The following GABRB1 variants were observed in gnomAD, a reference collection of about 807,000 sequenced individuals.
GABRB1 encodes gamma-aminobutyric acid type A receptor subunit beta1, also known as gamma-aminobutyric acid receptor subunit beta-1.
GABRB1 carries 17 observed loss-of-function variants against 51.6 expected under a neutral mutation model. That is an observed-to-expected ratio of 0.33 (90% CI 0.23 to 0.49). GABRB1 has a LOEUF of 0.49. Among genes scored for constraint, GABRB1 ranks in the 20% least tolerant of loss-of-function variants. The pLI, the probability that GABRB1 is intolerant of heterozygous loss-of-function variation, is 0.99. For synonymous variants in GABRB1, 247 were observed against 218.9 expected (o/e 1.13, Z -1.14); for missense variants, 410 against 600.6 (o/e 0.68, Z 3.32).
At chr4:47,208,038 G>A (rs1720210046) in intron 4 of GABRB1, among the ~76,000 whole-genome samples, 1 of 151,952 alleles carries the variant, frequency 6.6e-6, no homozygotes, top group African/African-American at 2.4e-5. Flanking sequence ...ATACATCAGT[G>A]CTCATAGCAG....
intron 5 of GABRB1, among the ~76,000 whole-genome samples, chr4:47,375,428 G>A (rs1226617837): frequency 6.6e-6 from 1 of 152,184 alleles, no homozygotes; most frequent in Non-Finnish European, 1.5e-5. Flanking sequence ...TGAGGTCAGT[G>A]TTATCAGTGG....
intron 8 of GABRB1, among the ~76,000 whole-genome samples, chr4:47,419,045 A>G: frequency 6.6e-6 from 1 of 152,328 alleles, no homozygotes; most frequent in Middle Eastern, 3.4e-3. Flanking sequence ...TTTTTTCTTC[A>G]TAATGTTACC....
chr4:47,063,249 T>C (rs1726919492), intron 3 of GABRB1, among the ~76,000 whole-genome samples: 1 of 152,114 alleles, frequency 6.6e-6, no homozygotes, highest in African/African-American at 2.4e-5. Context: ...GGCCATGAAC[T>C]TGAAGCTTAT....
chr4:47,146,393 G>T (rs908033075), intron 3 of GABRB1, among the ~76,000 whole-genome samples: 1 of 151,938 alleles, frequency 6.6e-6, no homozygotes, highest in Non-Finnish European at 1.5e-5. Flanking sequence ...TCAGGCTTAA[G>T]TTCCCTTTGT....
At chr4:47,280,632 A>G (rs1440909123) in intron 4 of GABRB1, among the ~76,000 whole-genome samples, 1 of 151,198 alleles carries the variant, frequency 6.6e-6, no homozygotes, top group Admixed American at 6.6e-5. Flanking sequence ...ACCATCCCCC[A>G]ACACTATTTT....
intron 4 of GABRB1, among the ~76,000 whole-genome samples, chr4:47,291,827 C>G (rs935861922): frequency 6.6e-6 from 1 of 152,200 alleles, no homozygotes; most frequent in African/African-American, 2.4e-5. Flanking sequence ...CCTGTACCCC[C>G]CACTGTATCT....
At chr4:47,203,394 T>C (rs1222451956) in intron 4 of GABRB1, among the ~76,000 whole-genome samples, 1 of 40,762 alleles carries the variant, frequency 2.5e-5, no homozygotes, top group Middle Eastern at 0.022. Flanking sequence ...ATATGACTTA[T>C]CAGAGGAGAG....
intron 4 of GABRB1, among the ~76,000 whole-genome samples, chr4:47,171,551 TA>T (rs553205821): frequency 7.4e-4 from 112 of 152,254 alleles, no homozygotes; most frequent in African/African-American, 2.5e-3. Context: ...TGCACATCAT[TA>T]AAAAATATTG....
At chr4:47,105,252 A>C (rs902332488) in intron 3 of GABRB1, among the ~76,000 whole-genome samples, 20 of 152,204 alleles carry the variant, frequency 1.3e-4, no homozygotes, top group Middle Eastern at 6.8e-3. Flanking sequence ...TTACTCCATC[A>C]TCGGCTTTAG....
At position 47,112,861 on chromosome 4, in the gene GABRB1, G is replaced by A. The variant is rs552544683; in HGVS notation, c.241-48388G>A. The stretch of plus-strand genomic sequence containing the variant: ...TACTTGCCTGTGAAATTATAAATAT[G>A]TATAATTATAAAATTATCTTCTCTA... On this transcript the variant is annotated intron_variant, in intron 3 of 8. Transcript: ENST00000295454. Among the ~76,000 whole-genome samples, 15 of 152,132 alleles carry A rather than the reference G, an allele frequency of 9.9e-5. 1 individual carries two copies. In the South Asian group the frequency reaches 3.1e-3, roughly 32 times the overall value.
intron 4 of GABRB1, among the ~76,000 whole-genome samples, chr4:47,310,045 T>G (rs2109950569): frequency 6.6e-6 from 1 of 152,222 alleles, no homozygotes; most frequent in African/African-American, 2.4e-5. Flanking sequence ...CATTCATGAA[T>G]TATCATAAAC....
chr4:47,106,028 A>ATTGC (rs1714954274), intron 3 of GABRB1, among the ~76,000 whole-genome samples: 2 of 152,220 alleles, frequency 1.3e-5, no homozygotes, highest in African/African-American at 4.8e-5. Flanking sequence ...TAAATTTTAA[A>ATTGC]TTGCTTGCTT....
At chr4:47,010,916 C>A (rs968403938) in intron 1 of GABRB1, among the ~76,000 whole-genome samples, 6 of 151,880 alleles carry the variant, frequency 4.0e-5, no homozygotes. Flanking sequence ...AGTGTTAGTT[C>A]TATTAATAAC....
chr4:47,027,301 G>T (rs1243096992), upstream of GABRB1, among the ~76,000 whole-genome samples: 1 of 151,194 alleles, frequency 6.6e-6, no homozygotes, highest in Non-Finnish European at 1.5e-5. Context: ...ATTCCAAAAA[G>T]AATAAACCCA....
intron 3 of GABRB1, among the ~76,000 whole-genome samples, chr4:47,055,660 C>G (rs1726561951): frequency 6.6e-6 from 1 of 152,084 alleles, no homozygotes; most frequent in African/African-American, 2.4e-5. Flanking sequence ...CCCAAATGGA[C>G]CCATTTGCCA....
At chr4:47,332,531 A>T (rs1725522380) in intron 5 of GABRB1, among the ~76,000 whole-genome samples, 1 of 152,192 alleles carries the variant, frequency 6.6e-6, no homozygotes, top group South Asian at 2.1e-4. Flanking sequence ...CATTTAAGTT[A>T]CATTATTCTT....
chr4:47,183,345 C>CAT (rs57840134), intron 4 of GABRB1, among the ~76,000 whole-genome samples: 4,949 of 124,168 alleles, frequency 0.04, 99 homozygotes, highest in Middle Eastern at 0.076. Flanking sequence ...TGTGTGTGTG[C>CAT]ATATATATAT....
chr4:47,406,272 A>G lies in GABRB1; in HGVS notation c.836-410A>G, dbSNP rs373694399. 2.6e-5 allele frequency among the ~76,000 whole-genome samples: 4 copies of G among 152,222 alleles called. No homozygotes were observed. The East Asian group carries it at 5.8e-4, about 22-fold the overall frequency. On this transcript the variant is annotated intron_variant, in intron 7 of 8. Coordinates refer to ENST00000295454, the MANE Select transcript of GABRB1 (RefSeq NM_000812.4). Reference sequence around the variant, plus strand: ...AGCTTTCAGTTTGGTAGAGGCTGCTATAGGGATTAGTATCACAAAGACAGA... The same window carrying G: ...AGCTTTCAGTTTGGTAGAGGCTGCTGTAGGGATTAGTATCACAAAGACAGA...
At chr4:47,079,618 G>T (rs977832451) in intron 3 of GABRB1, among the ~76,000 whole-genome samples, 15 of 151,918 alleles carry the variant, frequency 9.9e-5, no homozygotes, top group African/African-American at 3.4e-4. Flanking sequence ...ACAACAATAG[G>T]CTGGATTAAG....
Sources: gnomAD v4.1 joint callset for allele counts (sites outside exome capture counted in the v4.1 genomes callset) on GRCh38, gnomAD v4.1.1 for gene constraint, MANE v1.5 for transcripts, NCBI Gene and HGNC (gene_info 2026-07-23, HGNC 2026-07-21) for gene names.